MACROD2: variants seen among roughly 807,000 people sequenced by gnomAD.
The protein encoded by MACROD2 is mono-ADP ribosylhydrolase 2.
A neutral mutation model predicts 70.4 loss-of-function variants in MACROD2; 36 were observed. The ratio of observed to expected loss-of-function variants is 0.51; its 90% confidence interval spans 0.39 to 0.68. MACROD2 has a LOEUF of 0.68. MACROD2 is among the 30% of genes least tolerant of loss of function. The pLI is 0.00. For synonymous variants in MACROD2, 172 were observed against 178.8 expected, an observed-to-expected ratio of 0.96 and a Z score of 0.30; for missense variants, 496 against 538.4, an observed-to-expected ratio of 0.92 and a Z score of 0.78.
intron 3 of MACROD2, among the ~76,000 whole-genome samples, chr20:14,295,642 T>C (rs916362090): frequency 1.3e-5 from 2 of 151,842 alleles, no homozygotes; most frequent in African/African-American, 4.9e-5. Context: ...AATGTATTTA[T>C]TTATTATTTA....
chr20:14,731,723 A>T (rs1046519555), intron 5 of MACROD2, among the ~76,000 whole-genome samples: 1 of 152,080 alleles, frequency 6.6e-6, no homozygotes, highest in African/African-American at 2.4e-5. Context: ...CTAATGAGTG[A>T]TATGTGCCTT....
intron 5 of MACROD2, among the ~76,000 whole-genome samples, chr20:14,688,265 A>G (rs922191782): frequency 1.3e-5 from 2 of 152,168 alleles, no homozygotes; most frequent in Non-Finnish European, 2.9e-5. Context: ...TGCATCAGCA[A>G]TTTGTTTGGA....
At chr20:14,161,960 G>A (rs2055196987) in intron 3 of MACROD2, among the ~76,000 whole-genome samples, 3 of 152,080 alleles carry the variant, frequency 2.0e-5, no homozygotes, top group South Asian at 2.1e-4. Context: ...CATGAGTGCA[G>A]GTGTCTTTTT....
At chr20:15,084,911 G>A (rs2075735418) in intron 5 of MACROD2, among the ~76,000 whole-genome samples, 1 of 152,106 alleles carries the variant, frequency 6.6e-6, no homozygotes, top group Non-Finnish European at 1.5e-5. Context: ...AAATTAATAA[G>A]CTAATCCTAA....
chr20:15,446,772 A>G (rs1293177147), intron 7 of MACROD2, among the ~76,000 whole-genome samples: 4 of 152,030 alleles, frequency 2.6e-5, no homozygotes, highest in African/African-American at 9.7e-5. Flanking sequence ...TGGCCTTTCA[A>G]TTTTTTTTCA....
intron 5 of MACROD2, among the ~76,000 whole-genome samples, chr20:14,700,546 T>C (rs552918912): frequency 1.9e-4 from 29 of 152,048 alleles, no homozygotes; most frequent in African/African-American, 6.7e-4. Flanking sequence ...TGTGTGTGTG[T>C]GTGTGTGTGT....
At chr20:15,957,501 G>A (rs1457611419) in intron 12 of MACROD2, among the ~76,000 whole-genome samples, 1 of 152,074 alleles carries the variant, frequency 6.6e-6, no homozygotes, top group Non-Finnish European at 1.5e-5. Flanking sequence ...GCTCTCTCAT[G>A]ACCTCTGTTT....
At chr20:15,178,256 T>C (rs1211550519) in intron 5 of MACROD2, among the ~76,000 whole-genome samples, 2 of 152,184 alleles carry the variant, frequency 1.3e-5, no homozygotes, top group Non-Finnish European at 2.9e-5. Context: ...TTATGGGGAC[T>C]GTCTCATGCA....
chr20:14,629,996 T>TATCTATCC (rs1555809621), intron 4 of MACROD2, among the ~76,000 whole-genome samples: 2 of 151,108 alleles, frequency 1.3e-5, no homozygotes, highest in East Asian at 3.9e-4. Context: ...TCTATCTATC[T>TATCTATCC]ATCCATCCCC....
chr20:14,462,688 A>T (rs2084386770), intron 3 of MACROD2, among the ~76,000 whole-genome samples: 3 of 152,084 alleles, frequency 2.0e-5, no homozygotes, highest in Non-Finnish European at 2.9e-5. Flanking sequence ...TAAGTCTTTA[A>T]TCCATCTTGA....
At chr20:14,381,183 T>C (rs918360602) in intron 3 of MACROD2, among the ~76,000 whole-genome samples, 6 of 152,172 alleles carry the variant, frequency 3.9e-5, no homozygotes, top group Admixed American at 2.0e-4. Flanking sequence ...TTTAAAAAAA[T>C]CTTACCTAAT....
intron 8 of MACROD2, among the ~76,000 whole-genome samples, chr20:15,642,656 AAAAC>A (rs147669318): frequency 0.025 from 3,813 of 152,038 alleles, 176 homozygotes; most frequent in East Asian, 0.2. Context: ...GCATGCAAGA[AAAAC>A]AAACAAAAAT....
At chr20:14,246,334 A>T (rs1601395938) in intron 3 of MACROD2, among the ~76,000 whole-genome samples, 1 of 152,140 alleles carries the variant, frequency 6.6e-6, no homozygotes, top group Admixed American at 6.5e-5. Context: ...TAGTACTTTG[A>T]TGTAGTATTG....
intron 8 of MACROD2, among the ~76,000 whole-genome samples, chr20:15,842,152 C>A (rs2064178089): frequency 6.6e-6 from 1 of 152,098 alleles, no homozygotes; most frequent in Non-Finnish European, 1.5e-5. Context: ...CAACATTTAA[C>A]TCTTTCTTGA....
chr20:14,533,407 C>T (rs145472738), intron 4 of MACROD2, among the ~76,000 whole-genome samples: 2 of 152,148 alleles, frequency 1.3e-5, no homozygotes, highest in Admixed American at 6.5e-5. Flanking sequence ...ATAAGAAGCA[C>T]ATAGCCACAT....
chr20:15,486,581 ATGCC>A (rs933464638), intron 7 of MACROD2, among the ~76,000 whole-genome samples: 9 of 152,164 alleles, frequency 5.9e-5, no homozygotes, highest in African/African-American at 2.2e-4. Flanking sequence ...GAAGGATTCA[ATGCC>A]TGGTAGGTCT....
At chr20:16,009,847 T>C (rs2066838956) in intron 15 of MACROD2, among the ~76,000 whole-genome samples, 1 of 152,066 alleles carries the variant, frequency 6.6e-6, no homozygotes, top group South Asian at 2.1e-4. Context: ...CTGCCGCCCA[T>C]CCTATTGAAA....
chr20:14,736,188 T>C (rs1277767997), intron 5 of MACROD2, among the ~76,000 whole-genome samples: 1 of 152,124 alleles, frequency 6.6e-6, no homozygotes, highest in Admixed American at 6.5e-5. Flanking sequence ...ACAATGGAGA[T>C]GAACCTCAGA....
chr20:15,081,401 G>C (rs2075702546), intron 5 of MACROD2, among the ~76,000 whole-genome samples: 1 of 152,088 alleles, frequency 6.6e-6, no homozygotes, highest in Admixed American at 6.6e-5. Context: ...TTCTACCGTG[G>C]ATTAACATTC....
Sources: gnomAD v4.1 joint callset for allele counts (sites outside exome capture counted in the v4.1 genomes callset) on GRCh38, gnomAD v4.1.1 for gene constraint, MANE v1.5 for transcripts, NCBI Gene and HGNC (gene_info 2026-07-23, HGNC 2026-07-21) for gene names.